AUTS2: variants seen among roughly 807,000 people sequenced by gnomAD.
The protein encoded by AUTS2 is activator of transcription and developmental regulator AUTS2.
A neutral mutation model predicts 112.4 loss-of-function variants in AUTS2; 17 were observed. The ratio of observed to expected loss-of-function variants is 0.15; its 90% confidence interval spans 0.10 to 0.23. The LOEUF is 0.23. AUTS2 is among the 10% of genes least tolerant of loss of function. The probability of loss-of-function intolerance (pLI) is 1.00; values close to 1 mark genes in which losing one functional copy is unlikely to be tolerated. For synonymous variants in AUTS2, 751 were observed against 702.7 expected (o/e 1.07, Z -1.09); for missense variants, 1,510 against 1,701.6 (o/e 0.89, Z 1.98).
chr7:69,645,005 C>T (rs1794960503), intron 1 of AUTS2, among the ~76,000 whole-genome samples: 1 of 151,852 alleles, frequency 6.6e-6, no homozygotes, highest in African/African-American at 2.4e-5. Flanking sequence ...AACTCCTGGG[C>T]TCAAGTGATC....
intron 4 of AUTS2, among the ~76,000 whole-genome samples, chr7:70,261,605 T>C (rs1320758617): frequency 6.6e-6 from 1 of 152,214 alleles, no homozygotes; most frequent in African/African-American, 2.4e-5. Flanking sequence ...TATATCCTGA[T>C]CAAAACATTT....
chr7:69,682,692 A>G (rs1796855496), intron 1 of AUTS2, among the ~76,000 whole-genome samples: 1 of 152,206 alleles, frequency 6.6e-6, no homozygotes, highest in Non-Finnish European at 1.5e-5. Context: ...TTGTGCAGTT[A>G]CTCAGCTGTT....
chr7:69,711,062 G>A (rs1798302071), intron 1 of AUTS2, among the ~76,000 whole-genome samples: 1 of 152,168 alleles, frequency 6.6e-6, no homozygotes, highest in African/African-American at 2.4e-5. Flanking sequence ...ACGGTATGGT[G>A]GCTGAGACCA....
intron 4 of AUTS2, 39 bp from the exon 5 acceptor site, chr7:70,435,713 T>C (rs1325961119): frequency 1.2e-6 from 2 of 1,612,360 alleles, no homozygotes; most frequent in South Asian, 2.2e-5. Flanking sequence ...ACATACTCAG[T>C]TCTTGCACTA....
At chr7:70,729,224 A>G (rs750299028) in intron 6 of AUTS2, 21 of 456,210 alleles carry the variant, frequency 4.6e-5, no homozygotes, top group African/African-American at 8.0e-5. Context: ...GGTTAAAGGT[A>G]CCATGGCTGG....
chr7:69,769,149 CTTAACA>C (rs1788555325), intron 1 of AUTS2, among the ~76,000 whole-genome samples: 1 of 152,176 alleles, frequency 6.6e-6, no homozygotes, highest in Non-Finnish European at 1.5e-5. Flanking sequence ...TAGGCATACC[CTTAACA>C]TTAAGTGCTG....
chr7:70,569,350 A>G (rs1018392404), intron 5 of AUTS2, among the ~76,000 whole-genome samples: 4 of 152,198 alleles, frequency 2.6e-5, no homozygotes, highest in African/African-American at 7.2e-5. Context: ...CATTGCCAAG[A>G]ATGTAACTCT....
intron 1 of AUTS2, among the ~76,000 whole-genome samples, chr7:69,621,216 T>C (rs754405587): frequency 1.1e-4 from 16 of 152,092 alleles, no homozygotes; most frequent in African/African-American, 1.2e-4. Flanking sequence ...GCACATAGAG[T>C]TTACACCCAA....
At chr7:70,419,597 T>TTATAGACA (rs1364818416) in intron 4 of AUTS2, among the ~76,000 whole-genome samples, 4 of 152,204 alleles carry the variant, frequency 2.6e-5, no homozygotes, top group African/African-American at 9.7e-5. Context: ...AAACAAATTA[T>TTATAGACA]TATAGACATT....
intron 1 of AUTS2, among the ~76,000 whole-genome samples, chr7:69,669,937 C>T (rs2851484): frequency 0.62 from 93,520 of 151,996 alleles, 29,078 homozygotes; most frequent in East Asian, 0.7. Flanking sequence ...GCTTTCACAG[C>T]CTGGCGACAT....
At chr7:70,265,763 G>T (rs1166049803) in intron 4 of AUTS2, among the ~76,000 whole-genome samples, 1 of 152,138 alleles carries the variant, frequency 6.6e-6, no homozygotes, top group African/African-American at 2.4e-5. Flanking sequence ...TCTTATTTAG[G>T]CCTGAACACT....
chr7:70,153,218 C>T (rs979422052), intron 4 of AUTS2, among the ~76,000 whole-genome samples: 1 of 152,030 alleles, frequency 6.6e-6, no homozygotes, highest in African/African-American at 2.4e-5. Context: ...ATTCATACAA[C>T]AGAATACTAC....
At chr7:69,618,669 C>T (rs1265554263) in intron 1 of AUTS2, among the ~76,000 whole-genome samples, 10 of 152,074 alleles carry the variant, frequency 6.6e-5, no homozygotes, top group Admixed American at 6.5e-4. Context: ...AAAATGTATG[C>T]ATATGTAGAT....
At chr7:69,903,616 C>A (rs551922024) in intron 2 of AUTS2, among the ~76,000 whole-genome samples, 1 of 152,128 alleles carries the variant, frequency 6.6e-6, no homozygotes, top group African/African-American at 2.4e-5. Context: ...CTAACAGACA[C>A]CAAGATGAAT....
chr7:70,176,977 G>A (rs1287394790), intron 4 of AUTS2, among the ~76,000 whole-genome samples: 1 of 152,082 alleles, frequency 6.6e-6, no homozygotes, highest in Non-Finnish European at 1.5e-5. Context: ...AAGTATATTA[G>A]CAAGTTACAG....
chr7:69,627,195 A>G (rs1583966589), intron 1 of AUTS2, among the ~76,000 whole-genome samples: 1 of 152,136 alleles, frequency 6.6e-6, no homozygotes, highest in Admixed American at 6.6e-5. Flanking sequence ...GAGCAGTTAA[A>G]CCAGACACTT....
chr7:70,311,336 T>C (rs1190231873), intron 4 of AUTS2, among the ~76,000 whole-genome samples: 1 of 152,224 alleles, frequency 6.6e-6, no homozygotes, highest in Non-Finnish European at 1.5e-5. Flanking sequence ...TTTGCCATTA[T>C]TATTAACCCA....
chr7:70,346,085 A>G (rs1338916573), intron 4 of AUTS2, among the ~76,000 whole-genome samples: 3 of 152,128 alleles, frequency 2.0e-5, no homozygotes. Flanking sequence ...TCTCCATGCA[A>G]ATTGATCTGC....
chr7:70,536,957 C>T (rs776682419), intron 5 of AUTS2, among the ~76,000 whole-genome samples: 1 of 152,102 alleles, frequency 6.6e-6, no homozygotes, highest in African/African-American at 2.4e-5. Flanking sequence ...GTGTTAGCAA[C>T]TGTAGAGTAT....
Sources: allele counts gnomAD v4.1 joint callset (sites outside exome capture counted in the v4.1 genomes callset), GRCh38; gene constraint gnomAD v4.1.1; transcripts MANE v1.5; gene names NCBI Gene and HGNC (gene_info 2026-07-23, HGNC 2026-07-21).